NBAS: variants seen among roughly 807,000 people sequenced by gnomAD.
NBAS encodes the protein NAG/BC035112 fusion.
Under a neutral mutation model 302.5 loss-of-function variants are expected in NBAS, and 219 were observed. The observed-to-expected ratio is 0.72, with a 90% CI of 0.65 to 0.81. The LOEUF is 0.81. NBAS is among the 30% of genes least tolerant of loss of function. The pLI, the probability that NBAS is intolerant of heterozygous loss-of-function variation, is 0.00. For synonymous variants in NBAS, 1,118 were observed against 1,021.6 expected (o/e 1.09, Z -1.80); for missense variants, 2,932 against 2,841.6 (o/e 1.03, Z -0.72).
intron 48 of NBAS, among the ~76,000 whole-genome samples, chr2:15,204,892 G>A (rs961902806): frequency 1.3e-5 from 2 of 152,066 alleles, no homozygotes; most frequent in African/African-American, 4.8e-5. Context: ...ATAGCATTAG[G>A]AGATATACCT....
chr2:15,250,410 C>T (rs1437418624), intron 44 of NBAS, among the ~76,000 whole-genome samples: 1 of 152,162 alleles, frequency 6.6e-6, no homozygotes, highest in African/African-American at 2.4e-5. Flanking sequence ...TGGGCAAAGA[C>T]TTAATGACTA....
the NBAS span, among the ~76,000 whole-genome samples, chr2:14,935,863 G>A: frequency 2.0e-4 from 31 of 152,016 alleles, no homozygotes; most frequent in African/African-American, 7.0e-4. Flanking sequence ...AAAACTAAAG[G>A]CTTCCCCAAA....
At chr2:15,382,030 T>A (rs953262303) in intron 29 of NBAS, among the ~76,000 whole-genome samples, 9 of 152,126 alleles carry the variant, frequency 5.9e-5, no homozygotes, top group African/African-American at 2.2e-4. Context: ...ACAAGAAAAT[T>A]CTAATTAAAA....
At chr2:15,463,195 G>A (rs1234726578) in intron 19 of NBAS, among the ~76,000 whole-genome samples, 1 of 152,148 alleles carries the variant, frequency 6.6e-6, no homozygotes, top group Admixed American at 6.5e-5. Context: ...GACAGCTTGA[G>A]TCCAGAAAGT....
chr2:14,779,862 CA>C, the NBAS span, among the ~76,000 whole-genome samples: 1 of 152,184 alleles, frequency 6.6e-6, no homozygotes, highest in Non-Finnish European at 1.5e-5. Context: ...AAAGATTTTT[CA>C]GATGACTGAA....
At chr2:15,291,529 A>G (rs963604100) in intron 41 of NBAS, among the ~76,000 whole-genome samples, 3 of 152,208 alleles carry the variant, frequency 2.0e-5, no homozygotes, top group Non-Finnish European at 2.9e-5. Context: ...TGAACAACTA[A>G]AACAAAAAGC....
rs77421922 is a variant in NBAS, at chr2:15,470,179, A to C, written c.1726-1646T>G. On this transcript the variant is annotated intron_variant, in intron 16 of 51. Coordinates refer to ENST00000281513, the MANE Select transcript of NBAS (RefSeq NM_015909.4). ...TTTCCACAGCTGCGGCCTCCATACCAGTCTAAATCATCAACACAAAACATC... is the reference window on the plus strand; with the variant it reads ...TTTCCACAGCTGCGGCCTCCATACCCGTCTAAATCATCAACACAAAACATC... Among the ~76,000 whole-genome samples, 1,273 of 152,082 alleles carry C rather than the reference A, an allele frequency of 8.4e-3. 21 individuals are homozygous for C. Among genetic ancestry groups the C allele is most frequent in the East Asian group, 0.06 (307 of 5,156 alleles).
chr2:14,890,864 C>A, the NBAS span: 2 of 156,892 alleles, frequency 1.3e-5, no homozygotes, highest in Non-Finnish European at 1.4e-5. Context: ...CAAAAAAAAA[C>A]ATGTTCTCTT....
At chr2:15,439,072 G>A (rs1019461655) in intron 21 of NBAS, among the ~76,000 whole-genome samples, 28 of 152,204 alleles carry the variant, frequency 1.8e-4, no homozygotes, top group African/African-American at 6.0e-4. Context: ...GAGGCAGGCG[G>A]ACCACGAGGT....
At chr2:14,993,802 C>A in the NBAS span, among the ~76,000 whole-genome samples, 2 of 152,084 alleles carry the variant, frequency 1.3e-5, no homozygotes, top group African/African-American at 2.4e-5. Flanking sequence ...TAAATGAAAT[C>A]AAATAATTAT....
At chr2:15,132,492 T>C in the NBAS span, among the ~76,000 whole-genome samples, 15 of 152,292 alleles carry the variant, frequency 9.8e-5, no homozygotes, top group East Asian at 2.9e-3. Flanking sequence ...CTGTGTGACA[T>C]TATAACAGTG....
chr2:15,313,265 A>G (rs1671358278), intron 38 of NBAS, among the ~76,000 whole-genome samples: 1 of 152,226 alleles, frequency 6.6e-6, no homozygotes. Flanking sequence ...AAAATAATAA[A>G]ATTAATCTAA....
chr2:15,322,269 A>T (rs1307469928), intron 38 of NBAS, among the ~76,000 whole-genome samples: 1 of 152,084 alleles, frequency 6.6e-6, no homozygotes, highest in African/African-American at 2.4e-5. Flanking sequence ...GGATAGCATC[A>T]GGAGAAATAA....
the NBAS span, among the ~76,000 whole-genome samples, chr2:15,119,841 A>G: frequency 2.0e-5 from 3 of 152,168 alleles, no homozygotes; most frequent in South Asian, 6.2e-4. Context: ...ATTCATCTGC[A>G]AAGTTTGTCA....
At chr2:15,010,461 AC>A in the NBAS span, among the ~76,000 whole-genome samples, 1 of 151,872 alleles carries the variant, frequency 6.6e-6, no homozygotes, top group Non-Finnish European at 1.5e-5. Flanking sequence ...CCCACCTTAT[AC>A]CCCTTAGGTG....
chr2:15,312,088 T>C (rs1671302367), intron 38 of NBAS, among the ~76,000 whole-genome samples: 1 of 152,292 alleles, frequency 6.6e-6, no homozygotes, highest in African/African-American at 2.4e-5. Context: ...CACTGCCAGA[T>C]AGGCCTGCCT....
At chr2:15,008,869 T>TA in the NBAS span, among the ~76,000 whole-genome samples, 3 of 152,180 alleles carry the variant, frequency 2.0e-5, no homozygotes, top group Non-Finnish European at 4.4e-5. Context: ...CCTCATTGTT[T>TA]AAAAAATATA....
the NBAS span, among the ~76,000 whole-genome samples, chr2:15,046,430 T>C: frequency 3.3e-5 from 5 of 152,238 alleles, no homozygotes; most frequent in African/African-American, 4.8e-5. Context: ...CACATAATTA[T>C]AGAATTTGGG....
At chr2:15,184,880 A>G (rs1665004382) in intron 50 of NBAS, among the ~76,000 whole-genome samples, 1 of 152,252 alleles carries the variant, frequency 6.6e-6, no homozygotes, top group Non-Finnish European at 1.5e-5. Flanking sequence ...CGATAAGAGT[A>G]TTTTAAAGAA....
Sources: gnomAD v4.1 joint callset for allele counts (sites outside exome capture counted in the v4.1 genomes callset) on GRCh38, gnomAD v4.1.1 for gene constraint, MANE v1.5 for transcripts, NCBI Gene and HGNC (gene_info 2026-07-23, HGNC 2026-07-21) for gene names.